Variants in RTKN2 observed in about 807,000 individuals in gnomAD.
RTKN2 encodes the protein rhotekin 2.
In RTKN2, 69 loss-of-function variants were observed where a neutral mutation model predicts 71.5. The observed-to-expected ratio is 0.96, with a 90% CI of 0.79 to 1.18. The LOEUF (loss-of-function observed/expected upper bound fraction) is 1.18, where lower values mean the gene tolerates loss of function less well. Among genes scored for constraint, RTKN2 ranks in the 50% most tolerant of loss-of-function variants. The pLI, the probability that RTKN2 is intolerant of heterozygous loss-of-function variation, is 0.00. For synonymous variants in RTKN2, 236 were observed against 236.5 expected, an observed-to-expected ratio of 1.00 and a Z score of 0.02; for missense variants, 724 against 719.7, an observed-to-expected ratio of 1.01 and a Z score of -0.07.
rs1841348580 is a variant in RTKN2 at position 62,197,208 on chromosome 10, A to G, written c.*700T>C. 1 of 985,534 alleles carries G rather than the reference A, an allele frequency of 1.0e-6. No individual in the cohort carries two copies. Among genetic ancestry groups the G allele is most frequent in the Non-Finnish European group, 1.2e-6 (1 of 829,656 alleles). 61.0% of individuals were successfully genotyped at this position (985,534 alleles called of 1,614,324 possible). On this transcript the variant is annotated 3_prime_UTR_variant, in exon 12 of 12. Coordinates refer to ENST00000373789, the MANE Select transcript of RTKN2 (RefSeq NM_145307.4). ...GAAAATTGAATGTAAAGAGCATTTC[A>G]TCTACCATTTCTCTAAACTAGTAAG... is the stretch of plus-strand genomic sequence containing the variant.
chr10:62,196,352 C>A lies in RTKN2; in HGVS notation c.*1556G>T. The stretch of plus-strand genomic sequence containing the variant: ...GCAGGCATATAGTACTTTCTTCTCA[C>A]CAAAAACTCTGTCTGTCCTGATGTT... On this transcript the variant is annotated 3_prime_UTR_variant, in exon 12 of 12. Transcript: ENST00000373789. The A allele has an allele frequency of 1.0e-6, 1 of 984,400 alleles. No individual in the cohort carries two copies. The highest frequency in any genetic ancestry group is 1.2e-6 in the Non-Finnish European group (1 of 829,058). 61.0% of individuals were successfully genotyped at this position (984,400 alleles called of 1,614,324 possible).
chr10:62,185,004 C>A (rs1384861961), intron 8 of RTKN2, among the ~76,000 whole-genome samples: 2 of 152,144 alleles, frequency 1.3e-5, no homozygotes, highest in Non-Finnish European at 2.9e-5. Flanking sequence ...CACTCCAGGG[C>A]CCCTGCCATC....
intron 2 of RTKN2, among the ~76,000 whole-genome samples, chr10:62,254,099 T>C (rs990910099): frequency 4.6e-5 from 7 of 151,960 alleles, no homozygotes; most frequent in African/African-American, 1.7e-4. Context: ...AACAAATAAG[T>C]CTGTTTATGA....
At chr10:62,205,807 C>G (rs1156439767) in intron 9 of RTKN2, among the ~76,000 whole-genome samples, 1 of 152,066 alleles carries the variant, frequency 6.6e-6, no homozygotes, top group East Asian at 1.9e-4. Flanking sequence ...ACAGGCACAG[C>G]CATGCCACAT....
intron 1 of RTKN2, among the ~76,000 whole-genome samples, chr10:62,267,048 G>C (rs1842880741): frequency 6.6e-6 from 1 of 152,108 alleles, no homozygotes. Context: ...ATGTATCAAA[G>C]GAAATACCAA....
intron 8 of RTKN2, 110 bp downstream of exon 8, chr10:62,218,085 A>T: frequency 1.4e-6 from 1 of 689,818 alleles, no homozygotes; most frequent in Non-Finnish European, 2.4e-6. Context: ...ACTGACATTT[A>T]AAAAAAGACT....
At chr10:62,227,892 G>A (rs960587110) in intron 6 of RTKN2, among the ~76,000 whole-genome samples, 4 of 152,008 alleles carry the variant, frequency 2.6e-5, no homozygotes, top group African/African-American at 9.7e-5. Context: ...AAAGCAGGGA[G>A]AGAATTAAAG....
intron 10 of RTKN2, among the ~76,000 whole-genome samples, chr10:62,201,506 T>G (rs552136832): frequency 1.3e-5 from 2 of 152,244 alleles, no homozygotes; most frequent in East Asian, 3.9e-4. Flanking sequence ...ATCTGATAAC[T>G]TATTCCTCCC....
downstream of RTKN2, among the ~76,000 whole-genome samples, chr10:62,192,604 T>G (rs1456516422): frequency 6.6e-6 from 1 of 152,238 alleles, no homozygotes; most frequent in Non-Finnish European, 1.5e-5. Context: ...GCAAAGCACT[T>G]TCTTCAATTG....
At position 62,194,789 on chromosome 10, in the gene RTKN2, A is replaced by G; in HGVS notation, c.*3119T>C. On this transcript the variant is annotated 3_prime_UTR_variant, in exon 12 of 12. Coordinates refer to ENST00000373789, the MANE Select transcript of RTKN2 (RefSeq NM_145307.4). The stretch of plus-strand genomic sequence containing the variant: ...TTACGTGAGGTATCTCTAATTCAAG[A>G]CAGCTTCCATTTTTAATAAATAGTA... The G allele has an allele frequency of 9.1e-6, 9 of 985,310 alleles. No individual in the cohort carries two copies. The highest frequency in any genetic ancestry group is 9.6e-6 in the Non-Finnish European group (8 of 829,800). 61.0% of individuals were successfully genotyped at this position (985,310 alleles called of 1,614,324 possible).
intron 9 of RTKN2, among the ~76,000 whole-genome samples, chr10:62,207,334 A>T (rs1841568131): frequency 6.6e-6 from 1 of 152,116 alleles, no homozygotes; most frequent in African/African-American, 2.4e-5. Flanking sequence ...TACATTTTTA[A>T]AACATCAGAG....
chr10:62,211,604 T>C (rs1027373646), intron 9 of RTKN2, among the ~76,000 whole-genome samples: 1 of 152,210 alleles, frequency 6.6e-6, no homozygotes, highest in African/African-American at 2.4e-5. Context: ...ATGTTTAACA[T>C]TATTAAGCTT....
chr10:62,218,084 TAA>T, intron 8 of RTKN2, 109 bp downstream of exon 8: 1 of 692,290 alleles, frequency 1.4e-6, no homozygotes, highest in Non-Finnish European at 2.4e-6. Flanking sequence ...AACTGACATT[TAA>T]AAAAAGACTT....
intron 1 of RTKN2, among the ~76,000 whole-genome samples, chr10:62,263,329 T>C: frequency 6.6e-6 from 1 of 152,134 alleles, no homozygotes; most frequent in Non-Finnish European, 1.5e-5. Context: ...TACCAAGGAT[T>C]GATGGCAACA....
At chr10:62,255,468 A>T (rs868211124) in intron 2 of RTKN2, among the ~76,000 whole-genome samples, 11 of 152,208 alleles carry the variant, frequency 7.2e-5, no homozygotes, top group African/African-American at 2.7e-4. Context: ...ATAAATGATA[A>T]TAAAACATTG....
intron 7 of RTKN2, 32 bp downstream of exon 7, chr10:62,223,206 T>C: frequency 8.1e-7 from 1 of 1,231,594 alleles, no homozygotes; most frequent in Middle Eastern, 2.0e-4. Context: ...AGACAGAATA[T>C]ATGTAATAAG....
chr10:62,196,078 A>G lies in RTKN2; in HGVS notation c.*1830T>C. 1.0e-6 allele frequency: 1 copy of G among 985,418 alleles called. No homozygotes were observed. The highest frequency in any genetic ancestry group is 1.2e-6 in the Non-Finnish European group (1 of 829,908). The allele number at this position is 985,418 out of a possible 1,614,324, so 61.0% of individuals were successfully genotyped here. A position where few individuals can be genotyped will look rare whatever the true frequency, so the allele number is the denominator to read the frequency against. ...AAAAGAATGCTTAGATGCCAGCTTC[A>G]AAACAATTTTCCCTGCAGCATCTTC... is the stretch of plus-strand genomic sequence containing the variant. On this transcript the variant is annotated 3_prime_UTR_variant, in exon 12 of 12. Transcript: ENST00000373789.
intron 6 of RTKN2, among the ~76,000 whole-genome samples, chr10:62,226,177 A>T (rs1283906058): frequency 6.6e-6 from 1 of 152,132 alleles, no homozygotes; most frequent in Non-Finnish European, 1.5e-5. Context: ...AACATCAACG[A>T]GTATATTAAA....
At chr10:62,220,731 T>A (rs1030482310) in intron 7 of RTKN2, among the ~76,000 whole-genome samples, 2 of 151,960 alleles carry the variant, frequency 1.3e-5, no homozygotes, top group East Asian at 1.9e-4. Flanking sequence ...CCAAGCAGCA[T>A]AAATAAACTC....
Sources: allele counts gnomAD v4.1 joint callset (sites outside exome capture counted in the v4.1 genomes callset), GRCh38; gene constraint gnomAD v4.1.1; transcripts MANE v1.5; gene names NCBI Gene and HGNC (gene_info 2026-07-23, HGNC 2026-07-21).